Variants in MITF observed in about 807,000 individuals in gnomAD.
The protein encoded by MITF is melanocyte inducing transcription factor, also known as microphthalmia-associated transcription factor.
MITF carries 17 observed loss-of-function variants against 60.5 expected under a neutral mutation model. That is an observed-to-expected ratio of 0.28 (90% CI 0.19 to 0.42). The LOEUF (loss-of-function observed/expected upper bound fraction) is 0.42, where lower values mean the gene tolerates loss of function less well. Ranked by LOEUF, MITF falls within the 10% of genes least tolerant of loss-of-function variation. MITF has a pLI of 1.00. For synonymous variants in MITF, 260 were observed against 248.5 expected (o/e 1.05, Z -0.43); for missense variants, 622 against 683.5 (o/e 0.91, Z 1.00).
chr3:69,811,559 C>T (rs2063100802), intron 1 of MITF, among the ~76,000 whole-genome samples: 1 of 152,228 alleles, frequency 6.6e-6, no homozygotes, highest in South Asian at 2.1e-4. Flanking sequence ...TATGAATTAT[C>T]TGTTTCCCAG....
intron 1 of MITF, among the ~76,000 whole-genome samples, chr3:69,803,104 G>C (rs529514022): frequency 6.6e-6 from 1 of 152,278 alleles, no homozygotes; most frequent in East Asian, 1.9e-4. Flanking sequence ...TGCAGCTTCT[G>C]TTTTGCCAGC....
chr3:69,951,532 T>C (rs1222202430), intron 6 of MITF, among the ~76,000 whole-genome samples: 2 of 152,176 alleles, frequency 1.3e-5, no homozygotes, highest in African/African-American at 4.8e-5. Context: ...TTCTTGCTAG[T>C]ATCTGTATAT....
chr3:69,861,718 A>C (rs866294833), intron 1 of MITF, among the ~76,000 whole-genome samples: 3 of 152,280 alleles, frequency 2.0e-5, no homozygotes, highest in Middle Eastern at 6.8e-3. Context: ...CGCTGAGAAC[A>C]GTGCCTCTCA....
intron 1 of MITF, among the ~76,000 whole-genome samples, chr3:69,744,811 A>G (rs370035721): frequency 6.6e-6 from 1 of 152,162 alleles, no homozygotes; most frequent in African/African-American, 2.4e-5. Context: ...TACACTTTGT[A>G]TCTTTCATTT....
At chr3:69,953,684 G>GAGAGAGAGAGAC (rs745759504) in intron 7 of MITF, among the ~76,000 whole-genome samples, 8 of 143,964 alleles carry the variant, frequency 5.6e-5, no homozygotes, top group Non-Finnish European at 1.2e-4. Flanking sequence ...GAGAGAGAGA[G>GAGAGAGAGAGAC]AGAGACAGAG....
chr3:69,743,564 T>C (rs1257247454), intron 1 of MITF, among the ~76,000 whole-genome samples: 2 of 152,220 alleles, frequency 1.3e-5, no homozygotes, highest in Admixed American at 6.5e-5. Context: ...TATGTGAATC[T>C]CATTTTGGTC....
At chr3:69,915,315 T>C (rs1349707356) in intron 2 of MITF, among the ~76,000 whole-genome samples, 1 of 152,182 alleles carries the variant, frequency 6.6e-6, no homozygotes, top group African/African-American at 2.4e-5. Context: ...AGATTTTCTG[T>C]ATTATAAAAT....
chr3:69,871,908 G>A (rs985736296), intron 1 of MITF, among the ~76,000 whole-genome samples: 1 of 152,162 alleles, frequency 6.6e-6, no homozygotes, highest in African/African-American at 2.4e-5. Context: ...TCTCAGTGGA[G>A]CATCTTGCCA....
chr3:69,839,625 G>A (rs1395935535), intron 1 of MITF, among the ~76,000 whole-genome samples: 2 of 151,956 alleles, frequency 1.3e-5, no homozygotes, highest in Non-Finnish European at 1.5e-5. Flanking sequence ...GGAGGCCACC[G>A]TGAGGGGCTG....
chr3:69,961,805 A>G (rs1470820847), intron 9 of MITF, among the ~76,000 whole-genome samples: 1 of 152,242 alleles, frequency 6.6e-6, no homozygotes, highest in African/African-American at 2.4e-5. Flanking sequence ...CTATTTTGAA[A>G]GAGAAGCTAG....
At chr3:69,782,036 TA>T (rs1199175835) in intron 1 of MITF, among the ~76,000 whole-genome samples, 1 of 152,212 alleles carries the variant, frequency 6.6e-6, no homozygotes, top group Non-Finnish European at 1.5e-5. Context: ...AGGTAGTTGA[TA>T]GACTCCAGAC....
chr3:69,953,372 G>T (rs2066306108), intron 7 of MITF, among the ~76,000 whole-genome samples: 1 of 152,032 alleles, frequency 6.6e-6, no homozygotes, highest in South Asian at 2.1e-4. Flanking sequence ...TCAGTAAAGT[G>T]CAAACATGAT....
chr3:69,866,361 A>C (rs369814378), intron 1 of MITF: 45 of 1,613,494 alleles, frequency 2.8e-5, no homozygotes, highest in Middle Eastern at 1.6e-4. Context: ...GTGAAGTTTT[A>C]TTCTGGAAAT....
intron 1 of MITF, among the ~76,000 whole-genome samples, chr3:69,799,195 G>C (rs1306730659): frequency 6.6e-6 from 1 of 152,152 alleles, no homozygotes; most frequent in Non-Finnish European, 1.5e-5. Flanking sequence ...TAGGATGTGA[G>C]GTTCATCCTT....
At chr3:69,794,534 A>G (rs1006743749) in intron 1 of MITF, among the ~76,000 whole-genome samples, 1 of 152,158 alleles carries the variant, frequency 6.6e-6, no homozygotes, top group Non-Finnish European at 1.5e-5. Context: ...CTGGAGAACC[A>G]ATTCTCATGT....
chr3:69,843,617 C>T (rs1349051273), intron 1 of MITF, among the ~76,000 whole-genome samples: 1 of 152,132 alleles, frequency 6.6e-6, no homozygotes, highest in Non-Finnish European at 1.5e-5. Context: ...TTCAATACCA[C>T]AAATGACTGT....
intron 6 of MITF, 104 bp downstream of exon 6, chr3:69,949,272 C>T (rs1002293020): frequency 1.7e-5 from 15 of 867,006 alleles, no homozygotes; most frequent in African/African-American, 5.0e-5. Flanking sequence ...AACTCATGGA[C>T]GTAACTTTTA....
At chr3:69,963,811 A>C (rs1449736766) in intron 9 of MITF, among the ~76,000 whole-genome samples, 1 of 152,200 alleles carries the variant, frequency 6.6e-6, no homozygotes, top group African/African-American at 2.4e-5. Flanking sequence ...TGAGTTTAGT[A>C]GTTCTCAGGT....
intron 2 of MITF, among the ~76,000 whole-genome samples, chr3:69,921,230 G>A (rs988613574): frequency 2.6e-5 from 4 of 152,194 alleles, no homozygotes; most frequent in African/African-American, 9.7e-5. Context: ...GTGAAACTCC[G>A]TAAGCTTATT....
Sources: gnomAD v4.1 joint callset for allele counts (sites outside exome capture counted in the v4.1 genomes callset) on GRCh38, gnomAD v4.1.1 for gene constraint, MANE v1.5 for transcripts, NCBI Gene and HGNC (gene_info 2026-07-23, HGNC 2026-07-21) for gene names.